The following SLC39A11 variants were observed in gnomAD, a reference collection of about 807,000 sequenced individuals.
SLC39A11 encodes zinc transporter ZIP11.
Under a neutral mutation model 36.1 loss-of-function variants are expected in SLC39A11, and 33 were observed. The observed-to-expected ratio is 0.91, with a 90% CI of 0.69 to 1.22. The LOEUF is 1.22. Among genes scored for constraint, SLC39A11 ranks in the 50% most tolerant of loss-of-function variants. The pLI, the probability that SLC39A11 is intolerant of heterozygous loss-of-function variation, is 0.00. For synonymous variants in SLC39A11, 166 were observed against 170.3 expected (o/e 0.97, Z 0.20); for missense variants, 432 against 430.3 (o/e 1.00, Z -0.03).
chr17:72,704,109 C>T (rs116654743), intron 7 of SLC39A11, among the ~76,000 whole-genome samples: 361 of 152,312 alleles, frequency 2.4e-3, no homozygotes, highest in African/African-American at 8.2e-3. Flanking sequence ...GCCTGGACGA[C>T]GGAGTGAGAC....
chr17:72,649,238 A>C lies in SLC39A11; in HGVS notation c.702T>G (p.Asn234Lys). Residue 234 changes from asparagine (N) to lysine (K), a missense_variant, in exon 8 of 10, where the codon AAT (asparagine) becomes AAG (lysine). Coordinates refer to ENST00000255559, the MANE Select transcript of SLC39A11 (RefSeq NM_139177.4). ...RNLAIGIGIQ[N>K]FPEGLAVSLP... ...GGCTGACAGCCAGGCCCTCGGGGAA[A>C]TTCTGGATCCCGATTCCAATGGCCA... 6.2e-7 allele frequency: 1 copy of C among 1,614,236 alleles called. No homozygotes were observed.
At chr17:72,691,611 GCTGTTTGAGATGAATTCCA>G (rs1289924049) in intron 7 of SLC39A11, among the ~76,000 whole-genome samples, 2 of 152,192 alleles carry the variant, frequency 1.3e-5, no homozygotes, top group African/African-American at 4.8e-5. Context: ...AATAATTTCA[GCTGTTTGAGATGAATTCCA>G]CTAACATGGA....
intron 5 of SLC39A11, among the ~76,000 whole-genome samples, chr17:72,862,277 G>C (rs1051042449): frequency 2.6e-5 from 4 of 152,196 alleles, no homozygotes; most frequent in Admixed American, 2.0e-4. Flanking sequence ...AAGGGAGGCT[G>C]ACAGACAAAG....
chr17:73,085,834 C>T (rs1200894703), intron 2 of SLC39A11, among the ~76,000 whole-genome samples: 1 of 152,062 alleles, frequency 6.6e-6, no homozygotes, highest in East Asian at 1.9e-4. Context: ...GAGCCCAAAA[C>T]TAGAAACTAC....
intron 3 of SLC39A11, among the ~76,000 whole-genome samples, chr17:73,060,772 C>T (rs2059817643): frequency 6.6e-6 from 1 of 151,988 alleles, no homozygotes; most frequent in African/African-American, 2.4e-5. Context: ...AAATTGTTTA[C>T]AATTTTTAGA....
At chr17:72,737,163 C>T (rs1049483955) in intron 6 of SLC39A11, among the ~76,000 whole-genome samples, 12 of 151,868 alleles carry the variant, frequency 7.9e-5, no homozygotes, top group African/African-American at 2.4e-4. Context: ...GTAATCCCAG[C>T]GACTCGAGAG....
At chr17:72,788,520 T>C (rs2076592731) in intron 6 of SLC39A11, among the ~76,000 whole-genome samples, 1 of 152,236 alleles carries the variant, frequency 6.6e-6, no homozygotes. Context: ...TCCTTCAATT[T>C]TCCAACTGTC....
At chr17:72,999,682 T>C (rs950279550) in intron 4 of SLC39A11, among the ~76,000 whole-genome samples, 2 of 152,194 alleles carry the variant, frequency 1.3e-5, no homozygotes, top group African/African-American at 4.8e-5. Flanking sequence ...TGGTGAACAC[T>C]GACTGCCTAG....
chr17:72,770,263 T>C (rs1268160924), intron 6 of SLC39A11, among the ~76,000 whole-genome samples: 2 of 152,102 alleles, frequency 1.3e-5, no homozygotes, highest in African/African-American at 4.8e-5. Flanking sequence ...GCTCCTAGAG[T>C]AGTCAATTCA....
At chr17:72,820,339 C>T (rs1323715329) in intron 6 of SLC39A11, among the ~76,000 whole-genome samples, 1 of 151,182 alleles carries the variant, frequency 6.6e-6, no homozygotes, top group Non-Finnish European at 1.5e-5. Flanking sequence ...CTTGCGATGT[C>T]CCATCCTCAT....
At chr17:73,002,700 C>G (rs1235036014) in intron 4 of SLC39A11, among the ~76,000 whole-genome samples, 1 of 152,222 alleles carries the variant, frequency 6.6e-6, no homozygotes, top group East Asian at 1.9e-4. Flanking sequence ...CAAGTTATCA[C>G]AAATGCAATG....
At chr17:72,758,623 C>G (rs970370678) in intron 6 of SLC39A11, among the ~76,000 whole-genome samples, 1 of 152,170 alleles carries the variant, frequency 6.6e-6, no homozygotes, top group Non-Finnish European at 1.5e-5. Flanking sequence ...CTTTTCTTGC[C>G]TGGAACACGG....
intron 6 of SLC39A11, among the ~76,000 whole-genome samples, chr17:72,747,066 A>G (rs1188373571): frequency 3.3e-5 from 5 of 152,304 alleles, no homozygotes; most frequent in African/African-American, 1.2e-4. Flanking sequence ...AAACAAAACT[A>G]AAAACAAAAC....
At chr17:72,814,577 G>C (rs1379917753) in intron 6 of SLC39A11, among the ~76,000 whole-genome samples, 2 of 152,266 alleles carry the variant, frequency 1.3e-5, no homozygotes, top group East Asian at 1.9e-4. Flanking sequence ...CATCAGAGGA[G>C]AGGGGGATGC....
intron 6 of SLC39A11, among the ~76,000 whole-genome samples, chr17:72,840,938 C>T (rs1310966389): frequency 6.6e-6 from 1 of 151,620 alleles, no homozygotes; most frequent in East Asian, 1.9e-4. Flanking sequence ...GCCTGTAGTC[C>T]CAGCTACTGG....
intron 6 of SLC39A11, among the ~76,000 whole-genome samples, chr17:72,847,311 G>T (rs898663584): frequency 6.6e-6 from 1 of 151,966 alleles, no homozygotes; most frequent in East Asian, 1.9e-4. Context: ...GCCGAGACAG[G>T]AGAATTGCTT....
At chr17:73,020,961 A>T (rs2058331404) in intron 4 of SLC39A11, among the ~76,000 whole-genome samples, 1 of 152,086 alleles carries the variant, frequency 6.6e-6, no homozygotes, top group Non-Finnish European at 1.5e-5. Context: ...GATTACAGGC[A>T]TGAGCCACCA....
At chr17:72,975,457 T>C (rs1461966456) in intron 4 of SLC39A11, among the ~76,000 whole-genome samples, 9 of 152,026 alleles carry the variant, frequency 5.9e-5, no homozygotes, top group African/African-American at 2.2e-4. Flanking sequence ...TAAAATAAAT[T>C]AAATAAATTT....
chr17:72,810,084 C>A (rs79385786), intron 6 of SLC39A11, among the ~76,000 whole-genome samples: 84 of 136,572 alleles, frequency 6.2e-4, no homozygotes, highest in African/African-American at 1.1e-3. Context: ...ACAAAAACAA[C>A]AAAAAAAAAA....
Sources: allele counts gnomAD v4.1 joint callset (sites outside exome capture counted in the v4.1 genomes callset), GRCh38; gene constraint gnomAD v4.1.1; transcripts MANE v1.5; gene names NCBI Gene and HGNC (gene_info 2026-07-23, HGNC 2026-07-21).